RAP1GAP2: variants seen among roughly 807,000 people sequenced by gnomAD.
RAP1GAP2 encodes RAP1 GTPase activating protein 2.
Under a neutral mutation model 95.0 loss-of-function variants are expected in RAP1GAP2, and 27 were observed. That is an observed-to-expected ratio of 0.28 (90% CI 0.21 to 0.39). RAP1GAP2 has a LOEUF of 0.39. RAP1GAP2 is among the 10% of genes least tolerant of loss of function. The pLI, the probability that RAP1GAP2 is intolerant of heterozygous loss-of-function variation, is 1.00. For missense variants in RAP1GAP2, 771 were observed against 970.0 expected (o/e 0.79, Z 2.72); for synonymous variants, 373 against 380.9 (o/e 0.98, Z 0.24).
At chr17:2,845,020 T>C (rs897917520) in intron 2 of RAP1GAP2, among the ~76,000 whole-genome samples, 1 of 152,206 alleles carries the variant, frequency 6.6e-6, no homozygotes, top group Non-Finnish European at 1.5e-5. Flanking sequence ...AAAGAATCAG[T>C]GTCCCCGCCT....
At chr17:2,809,439 C>T (rs904101061) in intron 2 of RAP1GAP2, among the ~76,000 whole-genome samples, 5 of 152,156 alleles carry the variant, frequency 3.3e-5, no homozygotes, top group Admixed American at 2.0e-4. Context: ...TGGGCAAGGA[C>T]GCCGGAGAGG....
intron 2 of RAP1GAP2, among the ~76,000 whole-genome samples, chr17:2,814,950 G>A (rs1290017096): frequency 6.6e-6 from 1 of 152,092 alleles, no homozygotes; most frequent in African/African-American, 2.4e-5. Flanking sequence ...CTCGGGAACG[G>A]GACTTGGGAG....
chr17:2,927,129 C>T (rs2042981703), intron 3 of RAP1GAP2, among the ~76,000 whole-genome samples: 1 of 151,500 alleles, frequency 6.6e-6, no homozygotes, highest in African/African-American at 2.4e-5. Context: ...CCCCATACCT[C>T]TGTTTTCAAG....
At chr17:3,011,405 C>G (rs1009005277) in intron 17 of RAP1GAP2, among the ~76,000 whole-genome samples, 3 of 152,104 alleles carry the variant, frequency 2.0e-5, no homozygotes, top group Admixed American at 6.5e-5. Context: ...ATGCCTGTGG[C>G]CAGGCCTGTG....
chr17:2,807,064 T>C (rs923282089), intron 2 of RAP1GAP2, among the ~76,000 whole-genome samples: 9 of 152,054 alleles, frequency 5.9e-5, no homozygotes, highest in South Asian at 2.1e-4. Flanking sequence ...TTGTGGCTAA[T>C]TTTTGTATTT....
rs372088094 is a variant in RAP1GAP2, at chr17:2,927,544, C to T, written c.165+22176C>T. Among the ~76,000 whole-genome samples the T allele has an allele frequency of 4.6e-5, 7 of 152,308 alleles. No homozygotes were observed. The East Asian group carries it at 7.7e-4, about 17-fold the overall frequency. On this transcript the variant is annotated intron_variant, in intron 3 of 24. Coordinates refer to ENST00000254695, the MANE Select transcript of RAP1GAP2 (RefSeq NM_015085.5). ...ACTCTTTTGATCACACTGGGTGGAC[C>T]TGGGTCATCCAGGCCCCTCTTCCCA... is the stretch of plus-strand genomic sequence containing the variant.
chr17:2,776,856 A>C (rs1458207555), upstream of RAP1GAP2, among the ~76,000 whole-genome samples: 2 of 125,246 alleles, frequency 1.6e-5, no homozygotes, highest in East Asian at 5.2e-4. Flanking sequence ...GAGGAGGAGG[A>C]GGGGGCTGGG....
rs570692745 is a variant in RAP1GAP2, at chr17:2,812,914, C to T, written c.80+12364C>T. ...CTGAGGCAGGAGAATCGCTTGAACC[C>T]GGGAGATGGAAGTTGCAGTGAGCCG... On this transcript the variant is annotated intron_variant, in intron 2 of 24. Transcript: ENST00000254695. 1.3e-4 allele frequency among the ~76,000 whole-genome samples: 20 copies of T among 150,246 alleles called. No homozygotes were observed. In the South Asian group the frequency reaches 2.5e-3, roughly 19 times the overall value.
chr17:2,801,423 C>T (rs980323632), intron 2 of RAP1GAP2, among the ~76,000 whole-genome samples: 11 of 148,930 alleles, frequency 7.4e-5, no homozygotes, highest in African/African-American at 2.5e-4. Context: ...TGCATTGAGC[C>T]GAGATCACAC....
chr17:2,759,011 C>CT (rs1055110117), intron 1 of RAP1GAP2, among the ~76,000 whole-genome samples: 30 of 150,914 alleles, frequency 2.0e-4, no homozygotes, highest in East Asian at 1.4e-3. Context: ...ACTTTTACAT[C>CT]TTTTTTTTTG....
intron 3 of RAP1GAP2, among the ~76,000 whole-genome samples, chr17:2,949,963 C>G (rs541696642): frequency 2.6e-5 from 4 of 152,212 alleles, no homozygotes; most frequent in Non-Finnish European, 5.9e-5. Flanking sequence ...TTGCTCATGG[C>G]TGAGGCTGAA....
At chr17:2,832,840 G>T (rs368035691) in intron 2 of RAP1GAP2, among the ~76,000 whole-genome samples, 9 of 151,826 alleles carry the variant, frequency 5.9e-5, no homozygotes, top group African/African-American at 1.7e-4. Flanking sequence ...GCTGGGCGTG[G>T]TGGCACTTGC....
At chr17:2,884,500 G>A (rs1284839146) in intron 2 of RAP1GAP2, among the ~76,000 whole-genome samples, 1 of 150,272 alleles carries the variant, frequency 6.7e-6, no homozygotes, top group African/African-American at 2.4e-5. Context: ...AGCCTCCCAA[G>A]TAGCTGGGAC....
chr17:2,930,516 A>T (rs998994751), intron 3 of RAP1GAP2, among the ~76,000 whole-genome samples: 11 of 152,188 alleles, frequency 7.2e-5, no homozygotes, highest in African/African-American at 2.2e-4. Context: ...CCTACTTCGC[A>T]GGCTCATCCG....
At chr17:3,024,815 A>G (rs1425851225) in intron 19 of RAP1GAP2, among the ~76,000 whole-genome samples, 1 of 152,266 alleles carries the variant, frequency 6.6e-6, no homozygotes, top group African/African-American at 2.4e-5. Context: ...AAAGACCATA[A>G]CATATTATAT....
At chr17:2,792,951 T>C (rs1358000857), upstream of RAP1GAP2, among the ~76,000 whole-genome samples, 1 of 152,206 alleles carries the variant, frequency 6.6e-6, no homozygotes, top group Non-Finnish European at 1.5e-5. Context: ...TAAAAGCATC[T>C]GTCAGCTTTG....
chr17:2,921,436 C>G (rs1482032334), intron 3 of RAP1GAP2, among the ~76,000 whole-genome samples: 1 of 152,148 alleles, frequency 6.6e-6, no homozygotes, highest in African/African-American at 2.4e-5. Flanking sequence ...CTCCTGATCT[C>G]AGGTGATCCA....
upstream of RAP1GAP2, among the ~76,000 whole-genome samples, chr17:2,776,071 C>T (rs1251348476): frequency 1.3e-5 from 2 of 152,140 alleles, no homozygotes; most frequent in Non-Finnish European, 1.5e-5. Flanking sequence ...CCCAGCTACT[C>T]GGCAGGCTGA....
At chr17:3,023,887 T>G (rs2047027505) in intron 19 of RAP1GAP2, among the ~76,000 whole-genome samples, 1 of 152,106 alleles carries the variant, frequency 6.6e-6, no homozygotes, top group Non-Finnish European at 1.5e-5. Context: ...CTCCCACTTA[T>G]GAGCGAGAAC....
Sources: allele counts gnomAD v4.1 joint callset (sites outside exome capture counted in the v4.1 genomes callset), GRCh38; gene constraint gnomAD v4.1.1; transcripts MANE v1.5; gene names NCBI Gene and HGNC (gene_info 2026-07-23, HGNC 2026-07-21).